Variants in TWSG1 observed in about 807,000 individuals in gnomAD.
TWSG1 encodes twisted gastrulation protein homolog 1.
Under a neutral mutation model 23.0 loss-of-function variants are expected in TWSG1, and 15 were observed. That is an observed-to-expected ratio of 0.65 (90% CI 0.44 to 1.00). The LOEUF is 1.00. Ranked by LOEUF, TWSG1 falls within the 50% of genes least tolerant of loss-of-function variation. TWSG1 has a pLI of 0.00. For synonymous variants in TWSG1, 86 were observed against 92.8 expected (o/e 0.93, Z 0.42); for missense variants, 242 against 278.7 (o/e 0.87, Z 0.94).
intron 2 of TWSG1, among the ~76,000 whole-genome samples, chr18:9,340,285 G>A (rs1007672855): frequency 2.7e-5 from 4 of 146,368 alleles, no homozygotes; most frequent in South Asian, 2.2e-4. Context: ...GGAGAATGGC[G>A]TGAACCCAGG....
intron 3 of TWSG1, among the ~76,000 whole-genome samples, chr18:9,381,864 C>G (rs77108066): frequency 8.8e-6 from 1 of 113,086 alleles, no homozygotes; most frequent in African/African-American, 2.7e-5. Flanking sequence ...CTTTACACAC[C>G]CCTGTTACTA....
At chr18:9,356,217 C>T (rs1165486121) in intron 2 of TWSG1, among the ~76,000 whole-genome samples, 1 of 152,184 alleles carries the variant, frequency 6.6e-6, no homozygotes, top group African/African-American at 2.4e-5. Context: ...ATGACTACAG[C>T]ATATTACTCT....
At chr18:9,387,770 C>CAAATAAA in intron 3 of TWSG1, among the ~76,000 whole-genome samples, 1 of 120,912 alleles carries the variant, frequency 8.3e-6, no homozygotes, top group Non-Finnish European at 1.8e-5. Context: ...AACTCTGTCT[C>CAAATAAA]AAAAAAAAAA....
intron 2 of TWSG1, among the ~76,000 whole-genome samples, chr18:9,351,044 CTTAA>C (rs1228354599): frequency 2.0e-5 from 3 of 151,928 alleles, no homozygotes; most frequent in Non-Finnish European, 4.4e-5. Flanking sequence ...CAAGTAAATA[CTTAA>C]TTAGATTTAT....
At chr18:9,344,635 C>T (rs2040467808) in intron 2 of TWSG1, among the ~76,000 whole-genome samples, 1 of 151,032 alleles carries the variant, frequency 6.6e-6, no homozygotes, top group Non-Finnish European at 1.5e-5. Context: ...CTCAAGCAAT[C>T]CTCCCACCTC....
chr18:9,339,282 A>G (rs1280160994), intron 2 of TWSG1, among the ~76,000 whole-genome samples: 1 of 152,146 alleles, frequency 6.6e-6, no homozygotes, highest in Admixed American at 6.5e-5. Flanking sequence ...CTTTTGATTA[A>G]TATGGGTAGA....
intron 3 of TWSG1, among the ~76,000 whole-genome samples, chr18:9,372,150 G>GTGTA (rs1555651977): frequency 8.0e-5 from 12 of 150,800 alleles, no homozygotes; most frequent in Non-Finnish European, 1.5e-4. Context: ...TGCTATGTAT[G>GTGTA]TATATATATT....
chr18:9,363,006 C>A (rs1004736511), intron 3 of TWSG1, among the ~76,000 whole-genome samples: 8 of 152,188 alleles, frequency 5.3e-5, no homozygotes, highest in Admixed American at 2.0e-4. Flanking sequence ...ATTAGGCTCT[C>A]TTAACATCCT....
At chr18:9,360,864 C>T (rs1481971756) in intron 3 of TWSG1, among the ~76,000 whole-genome samples, 3 of 152,180 alleles carry the variant, frequency 2.0e-5, no homozygotes, top group African/African-American at 7.2e-5. Flanking sequence ...AACTTTTCAG[C>T]GTTGCACTGC....
At chr18:9,336,759 C>A (rs1166994871) in intron 1 of TWSG1, among the ~76,000 whole-genome samples, 1 of 152,236 alleles carries the variant, frequency 6.6e-6, no homozygotes, top group Non-Finnish European at 1.5e-5. Context: ...GATATACTCA[C>A]TCTACTTTCA....
chr18:9,399,282 A>G (rs1451071873), intron 4 of TWSG1, 64 bp from the exon 5 acceptor site: 2 of 1,185,840 alleles, frequency 1.7e-6, no homozygotes, highest in African/African-American at 1.5e-5. Context: ...ACTAGGTAAT[A>G]AAGCATTTTA....
chr18:9,399,261 G>C, intron 4 of TWSG1, 85 bp from the exon 5 acceptor site: 1 of 874,334 alleles, frequency 1.1e-6, no homozygotes. Context: ...ATAAATAACT[G>C]TTAATATTCA....
chr18:9,396,163 AAAAAAAG>A, intron 3 of TWSG1, 110 bp from the exon 4 acceptor site: 1 of 873,722 alleles, frequency 1.1e-6, no homozygotes. Context: ...AAAAAAAAAA[AAAAAAAG>A]GTAGGAAAAT....
intron 3 of TWSG1, among the ~76,000 whole-genome samples, chr18:9,394,382 T>C (rs1050275033): frequency 2.0e-5 from 3 of 151,984 alleles, no homozygotes; most frequent in Non-Finnish European, 4.4e-5. Context: ...AAGTAAAAAG[T>C]AGAACGGAGG....
intron 3 of TWSG1, among the ~76,000 whole-genome samples, chr18:9,374,181 G>A (rs2040618494): frequency 6.6e-6 from 1 of 151,818 alleles, no homozygotes; most frequent in South Asian, 2.1e-4. Flanking sequence ...AAGAAAAGAA[G>A]TAATACAAAT....
At chr18:9,353,103 G>T (rs759747657) in intron 2 of TWSG1, among the ~76,000 whole-genome samples, 1 of 152,252 alleles carries the variant, frequency 6.6e-6, no homozygotes, top group South Asian at 2.1e-4. Flanking sequence ...TGCTGTACAG[G>T]TTTGTAGCCT....
chr18:9,382,640 C>T (rs1445483346), intron 3 of TWSG1, among the ~76,000 whole-genome samples: 3 of 151,768 alleles, frequency 2.0e-5, no homozygotes, highest in Non-Finnish European at 2.9e-5. Context: ...AAACCTGTCT[C>T]TACTAAAAAT....
At chr18:9,377,774 CA>C (rs1183242099) in intron 3 of TWSG1, among the ~76,000 whole-genome samples, 1 of 152,050 alleles carries the variant, frequency 6.6e-6, no homozygotes, top group African/African-American at 2.4e-5. Flanking sequence ...GGCTGGAGTG[CA>C]GTGGCATGAT....
chr18:9,396,563 G>C lies in TWSG1; in HGVS notation c.490+17G>C. On this transcript the variant is annotated intron_variant, in intron 4 of 4. Transcript: ENST00000262120. ...GTGACAAAGGTAACTGCCAACAGTT[G>C]ACTTTTTCCATTCCGCCCCCTCATG... 1 of 1,605,196 alleles carries C rather than the reference G, an allele frequency of 6.2e-7. No individual in the cohort carries two copies. The highest frequency in any genetic ancestry group is 1.1e-5 in the South Asian group (1 of 90,902).
Sources: gnomAD v4.1 joint callset for allele counts (sites outside exome capture counted in the v4.1 genomes callset) on GRCh38, gnomAD v4.1.1 for gene constraint, MANE v1.5 for transcripts, NCBI Gene and HGNC (gene_info 2026-07-23, HGNC 2026-07-21) for gene names.